SIK3: variants seen among roughly 807,000 people sequenced by gnomAD.
SIK3 encodes the protein SIK family kinase 3, also known as serine/threonine-protein kinase SIK3.
SIK3 carries 28 observed loss-of-function variants against 144.2 expected under a neutral mutation model. The observed-to-expected ratio is 0.19, with a 90% CI of 0.14 to 0.27. The LOEUF (loss-of-function observed/expected upper bound fraction) is 0.27. Ranked by LOEUF, SIK3 falls within the 10% of genes least tolerant of loss-of-function variation. The probability of loss-of-function intolerance (pLI) is 1.00; values close to 1 mark genes in which losing one functional copy is unlikely to be tolerated. For synonymous variants in SIK3, 686 were observed against 676.3 expected, an observed-to-expected ratio of 1.01 and a Z score of -0.22; for missense variants, 1,319 against 1,776.0, an observed-to-expected ratio of 0.74 and a Z score of 4.62.
chr11:116,958,962 A>G (rs1234471805), intron 1 of SIK3, among the ~76,000 whole-genome samples: 1 of 152,224 alleles, frequency 6.6e-6, no homozygotes, highest in East Asian at 1.9e-4. Context: ...AGTCATTATT[A>G]ATAAAATCTT....
intron 1 of SIK3, among the ~76,000 whole-genome samples, chr11:116,999,573 C>T (rs2135598861): frequency 6.8e-6 from 1 of 147,758 alleles, no homozygotes; most frequent in East Asian, 1.9e-4. Flanking sequence ...TTTTTTGTGG[C>T]ATTTTGTTTT....
chr11:116,969,450 T>G (rs1053255800), intron 1 of SIK3, among the ~76,000 whole-genome samples: 1 of 152,102 alleles, frequency 6.6e-6, no homozygotes, highest in Non-Finnish European at 1.5e-5. Flanking sequence ...AAATGTTAAT[T>G]GATAATAATG....
At chr11:116,945,913 C>A (rs1205335189) in intron 3 of SIK3, among the ~76,000 whole-genome samples, 1 of 152,118 alleles carries the variant, frequency 6.6e-6, no homozygotes, top group Non-Finnish European at 1.5e-5. Context: ...AGGTCTCTAC[C>A]CTCTCACCCT....
chr11:116,876,531 A>T (rs1944264875), intron 7 of SIK3, among the ~76,000 whole-genome samples, 168 bp from the exon 8 acceptor site: 1 of 152,214 alleles, frequency 6.6e-6, no homozygotes, highest in Non-Finnish European at 1.5e-5. Flanking sequence ...AACAGACAAC[A>T]ACTCACTGTT....
At chr11:116,903,280 A>G (rs760907213) in intron 4 of SIK3, among the ~76,000 whole-genome samples, 7 of 152,224 alleles carry the variant, frequency 4.6e-5, no homozygotes, top group Non-Finnish European at 8.8e-5. Flanking sequence ...AGAGGACTGG[A>G]AAGAAAAATA....
intron 1 of SIK3, among the ~76,000 whole-genome samples, chr11:116,996,603 T>A (rs901816316): frequency 6.6e-6 from 1 of 151,924 alleles, no homozygotes; most frequent in Non-Finnish European, 1.5e-5. Flanking sequence ...GTGGATCACC[T>A]AAGGCCAGGA....
At chr11:117,069,867 T>C (rs1954188747) in intron 1 of SIK3, among the ~76,000 whole-genome samples, 1 of 152,202 alleles carries the variant, frequency 6.6e-6, no homozygotes, top group African/African-American at 2.4e-5. Context: ...TCTAACATCA[T>C]AAAATGTAAA....
At chr11:117,085,948 C>T (rs914966269) in intron 1 of SIK3, among the ~76,000 whole-genome samples, 3 of 152,086 alleles carry the variant, frequency 2.0e-5, no homozygotes, top group Admixed American at 6.5e-5. Context: ...AGCAAGACTC[C>T]GTCTACATAA....
chr11:116,998,764 C>G (rs1051433691), intron 1 of SIK3, among the ~76,000 whole-genome samples: 2 of 152,166 alleles, frequency 1.3e-5, no homozygotes, highest in African/African-American at 4.8e-5. Context: ...GCTCTTTCCA[C>G]AACTCTAAGA....
At chr11:117,076,589 C>T (rs1442123591) in intron 1 of SIK3, among the ~76,000 whole-genome samples, 4 of 151,832 alleles carry the variant, frequency 2.6e-5, no homozygotes, top group African/African-American at 9.7e-5. Context: ...TGCAGTGGCG[C>T]GATCTTGGCT....
At chr11:117,001,898 C>T (rs1367334369) in intron 1 of SIK3, among the ~76,000 whole-genome samples, 1 of 152,146 alleles carries the variant, frequency 6.6e-6, no homozygotes, top group African/African-American at 2.4e-5. Flanking sequence ...TTCTATCTGT[C>T]CACCTAAAAA....
chr11:116,903,274 G>A (rs376055962), intron 4 of SIK3, among the ~76,000 whole-genome samples: 24 of 152,282 alleles, frequency 1.6e-4, no homozygotes, highest in East Asian at 1.5e-3. Flanking sequence ...ATTTTAAGAG[G>A]ACTGGAAAGA....
intron 1 of SIK3, among the ~76,000 whole-genome samples, chr11:117,012,085 C>T (rs1951285003): frequency 8.9e-6 from 1 of 111,942 alleles, no homozygotes; most frequent in Non-Finnish European, 2.5e-5. Flanking sequence ...CTCAAGTGAT[C>T]CTCCCAGCCT....
At chr11:117,023,607 AAC>A (rs1555131423) in intron 1 of SIK3, among the ~76,000 whole-genome samples, 2,762 of 33,146 alleles carry the variant, frequency 0.083, 35 homozygotes, top group Non-Finnish European at 0.12. Flanking sequence ...CAAACAAACA[AAC>A]AAAAAAAAAA....
intron 6 of SIK3, among the ~76,000 whole-genome samples, chr11:116,883,858 C>T (rs868525883): frequency 6.6e-6 from 1 of 151,826 alleles, no homozygotes; most frequent in African/African-American, 2.4e-5. Context: ...CACTTGAACC[C>T]GGGAGGCAGA....
chr11:117,005,454 T>C (rs1328181329), intron 1 of SIK3, among the ~76,000 whole-genome samples: 1 of 151,774 alleles, frequency 6.6e-6, no homozygotes, highest in Non-Finnish European at 1.5e-5. Context: ...TAAAGATCCC[T>C]GCAAGAGCCA....
chr11:116,875,482 A>C, intron 9 of SIK3, 31 bp from the exon 10 acceptor site: 1 of 1,594,666 alleles, frequency 6.3e-7, no homozygotes, highest in Non-Finnish European at 8.6e-7. Context: ...ATACACGCAT[A>C]CCTTTAACAC....
At position 117,023,621 on chromosome 11, in the gene SIK3, A is replaced by AAAAATATATATAT. The variant is rs754624841; in HGVS notation, c.274-66558_274-66557insATATATATATTTT. Among the ~76,000 whole-genome samples the AAAAATATATATAT allele has an allele frequency of 5.2e-4, 50 of 95,362 alleles. 1 individual carries two copies. The highest frequency in any genetic ancestry group is 2.0e-3 in the African/African-American group (46 of 22,978). 62.6% of individuals were successfully genotyped at this position (95,362 alleles called of 152,430 possible). On this transcript the variant is annotated intron_variant, in intron 1 of 24. Coordinates refer to ENST00000445177, the MANE Select transcript of SIK3 (RefSeq NM_001366686.3). ...ACAAACAAACAAACAAAAAAAAAAAAATATATATATATATATATATATATT... is the reference window on the plus strand; with the variant it reads ...ACAAACAAACAAACAAAAAAAAAAAAAAAATATATATATATATATATATATATATATATATATT...
intron 1 of SIK3, among the ~76,000 whole-genome samples, chr11:117,059,040 G>A (rs1953681765): frequency 6.6e-6 from 1 of 152,190 alleles, no homozygotes; most frequent in Admixed American, 6.5e-5. Context: ...TTAAGGGGCT[G>A]GCGGCCTCAG....
Sources: gnomAD v4.1 joint callset for allele counts (sites outside exome capture counted in the v4.1 genomes callset) on GRCh38, gnomAD v4.1.1 for gene constraint, MANE v1.5 for transcripts, NCBI Gene and HGNC (gene_info 2026-07-23, HGNC 2026-07-21) for gene names.